The following ADAM12 variants were observed in gnomAD, a reference collection of about 807,000 sequenced individuals.
ADAM12 encodes disintegrin and metalloproteinase domain-containing protein 12.
Under a neutral mutation model 106.4 loss-of-function variants are expected in ADAM12, and 70 were observed. That is an observed-to-expected ratio of 0.66 (90% confidence interval 0.54 to 0.80). ADAM12 has a LOEUF of 0.80. Among genes scored for constraint, ADAM12 ranks in the 30% least tolerant of loss-of-function variants. The pLI, the probability that ADAM12 is intolerant of heterozygous loss-of-function variation, is 0.00. For synonymous variants in ADAM12, 420 were observed against 433.5 expected (o/e 0.97, Z 0.39); for missense variants, 1,010 against 1,171.9 (o/e 0.86, Z 2.02).
rs1412393335 is a variant in ADAM12 at position 126,036,330 on chromosome 10, ACAGT to A, written c.2350-9_2350-6del. 6.4e-7 allele frequency: 1 copy of A among 1,567,648 alleles called. No individual in the cohort carries two copies. Among genetic ancestry groups the A allele is most frequent in the African/African-American group, 1.4e-5 (1 of 71,722 alleles). ...CAGCAATCTCCTGGGATTGTCCTGT[ACAGT>A]CAAAGTAAAAAGCCATGCTATAGCG... On this transcript the variant is annotated splice_polypyrimidine_tract_variant and splice_region_variant and intron_variant, in intron 20 of 22. Coordinates refer to ENST00000448723, the MANE Select transcript of ADAM12 (RefSeq NM_001288973.2).
chr10:126,100,503 A>C (rs1304327339), intron 9 of ADAM12, among the ~76,000 whole-genome samples: 2 of 151,192 alleles, frequency 1.3e-5, no homozygotes, highest in East Asian at 3.9e-4. Context: ...GGAGATTGAG[A>C]CCATCTTGGC....
rs1252189558 is a variant in ADAM12, at chr10:126,049,302, A to G, written c.1868T>C (p.Met623Thr). Residue 623 changes from methionine to threonine, a missense_variant, in exon 16 of 23, where the codon ATG (methionine) becomes ACG (threonine). Physicochemically the swap from Met to Thr is moderately conservative, Grantham distance 81. This residue lies in a region of ADAM12 where 615 missense variants were observed against 708.5 expected (regional missense o/e 0.87). Transcript: ENST00000448723. The surrounding 1 kb of genome is among the most constrained non-coding windows in gnomAD (Gnocchi z 4.4). ...TGCAAGCACAAGCCCTGGGTCCGGC[A>G]TGTCATCGCCCAAGTACACGTGGGT... is the stretch of plus-strand genomic sequence containing the variant. ...RGTHVYLGDD[M>T]PDPGLVLAGT... is the part of the protein sequence containing the mutation. The G allele has an allele frequency of 1.2e-6, 2 of 1,614,098 alleles. No homozygotes were observed. Among genetic ancestry groups the G allele is most frequent in the Non-Finnish European group, 1.7e-6 (2 of 1,180,052 alleles).
chr10:126,261,737 G>A lies in ADAM12; in HGVS notation c.260+17178C>T, dbSNP rs1400550478. On this transcript the variant is annotated intron_variant, in intron 3 of 22. Coordinates refer to ENST00000448723, the MANE Select transcript of ADAM12 (RefSeq NM_001288973.2). ...ACTTCAATGTCCAAATGTAAAAAACGAAAACGGCAAAAACACCCCACAGAT... is the reference window on the plus strand; with the variant it reads ...ACTTCAATGTCCAAATGTAAAAAACAAAAACGGCAAAAACACCCCACAGAT... Among the ~76,000 whole-genome samples the A allele has an allele frequency of 2.0e-5, 3 of 151,196 alleles. No homozygotes were observed. The East Asian group carries it at 5.8e-4, about 29-fold the overall frequency.
In ADAM12 at chr10:126,311,351, T is replaced by C. The variant is rs149862095; in HGVS notation, c.186+19061A>G. 4.1e-3 allele frequency among the ~76,000 whole-genome samples: 628 copies of C among 152,126 alleles called. 2 individuals carry two copies. Among genetic ancestry groups the C allele is most frequent in the African/African-American group, 0.015 (604 of 41,496 alleles). On this transcript the variant is annotated intron_variant, in intron 2 of 22. Coordinates refer to ENST00000448723, the MANE Select transcript of ADAM12 (RefSeq NM_001288973.2). ...TTTAAATCTAATCTCCAAAAAACAA[T>C]TATAAAAAAGTAGCACAGTGCTTAG...
At chr10:126,155,697 TCA>T (rs1209824382) in intron 3 of ADAM12, among the ~76,000 whole-genome samples, 2 of 152,202 alleles carry the variant, frequency 1.3e-5, no homozygotes, top group Admixed American at 6.5e-5. Context: ...TGCTTGGAAG[TCA>T]CAGTCTCCAC....
chr10:126,227,112 TCAC>T (rs1451957693), intron 3 of ADAM12, among the ~76,000 whole-genome samples: 7 of 152,130 alleles, frequency 4.6e-5, no homozygotes, highest in South Asian at 2.1e-4. Flanking sequence ...ATCACCAACA[TCAC>T]CACCACCATT....
chr10:126,325,092 T>G (rs1034058560), intron 2 of ADAM12, among the ~76,000 whole-genome samples: 4 of 150,362 alleles, frequency 2.7e-5, no homozygotes, highest in Middle Eastern at 3.4e-3. Context: ...ACACCAAGAA[T>G]GAGGGACAGA....
chr10:126,208,909 C>A (rs985722612), intron 3 of ADAM12, among the ~76,000 whole-genome samples: 2 of 151,090 alleles, frequency 1.3e-5, no homozygotes, highest in Non-Finnish European at 2.9e-5. Flanking sequence ...CATCCCCTAG[C>A]CTATACAAAT....
At chr10:126,282,322 G>A (rs1268862970) in intron 2 of ADAM12, among the ~76,000 whole-genome samples, 3 of 152,076 alleles carry the variant, frequency 2.0e-5, no homozygotes, top group Admixed American at 6.5e-5. Flanking sequence ...CTAAGGTACC[G>A]GGGTTAGGAT....
chr10:126,040,896 C>G (rs1252706701), intron 18 of ADAM12, among the ~76,000 whole-genome samples: 1 of 152,166 alleles, frequency 6.6e-6, no homozygotes, highest in East Asian at 1.9e-4. Flanking sequence ...CCATTTCCCT[C>G]TTCCCCAGGA....
intron 3 of ADAM12, among the ~76,000 whole-genome samples, chr10:126,212,546 C>CTTTATTTTATTTTAT (rs140637903): frequency 2.8e-4 from 43 of 151,628 alleles, no homozygotes; most frequent in African/African-American, 9.5e-4. Flanking sequence ...CTTCATTCCT[C>CTTTATTTTATTTTAT]TTTATTTTAT....
At chr10:126,287,628 C>A (rs1959932777) in intron 2 of ADAM12, among the ~76,000 whole-genome samples, 1 of 152,022 alleles carries the variant, frequency 6.6e-6, no homozygotes, top group African/African-American at 2.4e-5. Flanking sequence ...GATGTCATCA[C>A]TTGCTTGTTC....
At chr10:126,358,776 T>C (rs188723624) in intron 1 of ADAM12, among the ~76,000 whole-genome samples, 61 of 152,292 alleles carry the variant, frequency 4.0e-4, no homozygotes, top group South Asian at 1.5e-3. Context: ...TGCTAGAATT[T>C]AGAATAAACA....
chr10:126,311,030 T>C (rs1564724875), intron 2 of ADAM12, among the ~76,000 whole-genome samples: 1 of 151,400 alleles, frequency 6.6e-6, no homozygotes, highest in Non-Finnish European at 1.5e-5. Flanking sequence ...GCTGAGCTAA[T>C]ACTAAATCTC....
Position 126,064,820 on chromosome 10 carries a change from G to A in ADAM12, c.1595C>T (p.Thr532Met), listed in dbSNP as rs149776150. 84 of 1,607,272 alleles carry A rather than the reference G, an allele frequency of 5.2e-5. No homozygotes were observed. Among genetic ancestry groups the A allele is most frequent in the East Asian group, 3.6e-4 (16 of 44,614 alleles). The change falls in exon 14 of 23, where the codon ACG becomes ATG. Residue 532 changes from threonine to methionine, a missense_variant. Physicochemically the swap from Thr to Met is moderately conservative, Grantham distance 81. Transcript: ENST00000448723. This position sits in a 1 kb window ranked among gnomAD's most constrained non-coding sequence, Gnocchi z 4.4. ...ICQTHEQQCV[T>M]LWGPGAKPAP... ...CGGCCACGTACCTGGTCCCCAGAGC[G>A]TGACACACTGCTGCTCGTGAGTCTG...
chr10:126,149,566 G>A (rs185603090), intron 4 of ADAM12, among the ~76,000 whole-genome samples: 4 of 152,266 alleles, frequency 2.6e-5, no homozygotes, highest in East Asian at 1.9e-4. Context: ...AGGCCCACCC[G>A]TCCTCAATCT....
intron 1 of ADAM12, among the ~76,000 whole-genome samples, chr10:126,365,178 A>G (rs1438622268): frequency 6.6e-6 from 1 of 152,160 alleles, no homozygotes; most frequent in African/African-American, 2.4e-5. Flanking sequence ...CCTAAAGCCA[A>G]ATTCTATGAT....
intron 1 of ADAM12, among the ~76,000 whole-genome samples, chr10:126,343,787 G>A (rs1350051705): frequency 6.6e-6 from 1 of 152,170 alleles, no homozygotes; most frequent in Non-Finnish European, 1.5e-5. Context: ...CAGTGATGAG[G>A]AGCATTTTTT....
intron 6 of ADAM12, among the ~76,000 whole-genome samples, chr10:126,112,073 G>T (rs1177422109): frequency 6.6e-6 from 1 of 152,134 alleles, no homozygotes; most frequent in Non-Finnish European, 1.5e-5. Context: ...GCCATAAAAA[G>T]GAATGAGATC....
Sources: allele counts gnomAD v4.1 joint callset (sites outside exome capture counted in the v4.1 genomes callset), GRCh38; gene constraint gnomAD v4.1.1; regional missense constraint gnomAD v4.1.1; non-coding constraint Gnocchi (gnomAD v3.1); transcripts MANE v1.5; gene names NCBI Gene and HGNC (gene_info 2026-07-23, HGNC 2026-07-21).